BNC1: variants seen among roughly 807,000 people sequenced by gnomAD.
The protein encoded by BNC1 is zinc finger protein basonuclin-1.
BNC1 carries 8 observed loss-of-function variants against 66.5 expected under a neutral mutation model. The observed-to-expected ratio is 0.12, with a 90% CI of 0.07 to 0.22. The LOEUF is 0.22. Ranked by LOEUF, BNC1 falls within the 10% of genes least tolerant of loss-of-function variation. The pLI, the probability that BNC1 is intolerant of heterozygous loss-of-function variation, is 1.00. For synonymous variants in BNC1, 454 were observed against 452.6 expected, an observed-to-expected ratio of 1.00 and a Z score of -0.04; for missense variants, 1,069 against 1,241.3, an observed-to-expected ratio of 0.86 and a Z score of 2.09.
intron 1 of BNC1, among the ~76,000 whole-genome samples, chr15:83,274,586 T>A (rs2038301107): frequency 6.6e-6 from 1 of 152,202 alleles, no homozygotes; most frequent in South Asian, 2.1e-4. Context: ...CATCTGCTTT[T>A]TGACGTGGTT....
intron 2 of BNC1, 94 bp downstream of exon 2, chr15:83,268,039 T>C (rs768966124): frequency 4.0e-5 from 42 of 1,045,206 alleles, no homozygotes; most frequent in Admixed American, 6.1e-5. Flanking sequence ...TACTAGTTAG[T>C]TGTCATTCTT....
intron 1 of BNC1, among the ~76,000 whole-genome samples, chr15:83,273,977 G>T (rs2151438775): frequency 6.6e-6 from 1 of 152,322 alleles, no homozygotes; most frequent in African/African-American, 2.4e-5. Flanking sequence ...TTTCACTGAA[G>T]ATAAACCCAG....
chr15:83,263,593 A>G lies in BNC1; in HGVS notation c.1658T>C (p.Ile553Thr), dbSNP rs1417566195. The G allele has an allele frequency of 1.2e-6, 2 of 1,613,982 alleles. No individual in the cohort carries two copies. Among genetic ancestry groups the G allele is most frequent in the Admixed American group, 1.7e-5 (1 of 59,994 alleles). ...GAGGTTGTGTCTTTTCTCATTAGCT[A>G]TTTCCACAGCTTCTTTCTCTATTTT... ...PIKIEKEAVE[I>T]ANEKRHNLSS... The change falls in exon 4 of 5, where the codon ATA (isoleucine) becomes ACA (threonine). Residue 553 changes from isoleucine to threonine, a missense_variant. Physicochemically the swap from Ile to Thr is moderately conservative, Grantham distance 89. Around this residue, in one of 7 missense-constraint regions of BNC1, gnomAD observed 657 missense variants for 715.8 expected, o/e 0.92. Transcript: ENST00000345382.
chr15:83,275,499 A>AG (rs1210451831), intron 1 of BNC1, among the ~76,000 whole-genome samples: 2 of 151,950 alleles, frequency 1.3e-5, no homozygotes, highest in African/African-American at 4.8e-5. Context: ...CTCAAAAAAA[A>AG]AAAAAAAAAA....
At chr15:83,268,254 G>T in intron 1 of BNC1, 22 bp from the exon 2 acceptor site, 1 of 1,577,884 alleles carries the variant, frequency 6.3e-7, no homozygotes, top group Non-Finnish European at 8.7e-7. Flanking sequence ...GAGAAAACAG[G>T]TATGTGGAGC....
chr15:83,268,040 T>G, intron 2 of BNC1, 93 bp downstream of exon 2: 1 of 1,063,330 alleles, frequency 9.4e-7, no homozygotes. Context: ...ACTAGTTAGT[T>G]GTCATTCTTA....
intron 1 of BNC1, among the ~76,000 whole-genome samples, chr15:83,271,027 G>A (rs990204811): frequency 6.6e-6 from 1 of 152,088 alleles, no homozygotes; most frequent in African/African-American, 2.4e-5. Flanking sequence ...TGTAATCCTA[G>A]CATTCTGGGA....
intron 4 of BNC1, among the ~76,000 whole-genome samples, chr15:83,259,177 C>T (rs1005373270): frequency 1.3e-5 from 2 of 152,182 alleles, no homozygotes; most frequent in Admixed American, 6.5e-5. Context: ...CATATGTTAT[C>T]ATTTGGAATT....
chr15:83,278,491 TCAAAA>T (rs1351479723), intron 1 of BNC1, among the ~76,000 whole-genome samples: 2 of 152,120 alleles, frequency 1.3e-5, no homozygotes, highest in Non-Finnish European at 2.9e-5. Flanking sequence ...CAAAATATAC[TCAAAA>T]CAAACAAAAC....
intron 2 of BNC1, 91 bp from the exon 3 acceptor site, chr15:83,267,162 G>T: frequency 1.1e-6 from 1 of 938,402 alleles, no homozygotes. Flanking sequence ...CCAATTCTTG[G>T]TTATTTATTC....
chr15:83,283,779 G>A lies in BNC1; in HGVS notation c.99+751C>T, dbSNP rs182808881. Among the ~76,000 whole-genome samples the A allele has an allele frequency of 3.4e-3, 511 of 152,366 alleles. 2 individuals are homozygous for A. The highest frequency in any genetic ancestry group is 4.8e-3 in the Non-Finnish European group (324 of 68,032). ...CGCGACAAGGACTCCAGGGTCCGCAGTGAAGCTGGTCAAATCTGCCCCGCA... is the reference window on the plus strand; with the variant it reads ...CGCGACAAGGACTCCAGGGTCCGCAATGAAGCTGGTCAAATCTGCCCCGCA... On this transcript the variant is annotated intron_variant, in intron 1 of 4. Coordinates refer to ENST00000345382, the MANE Select transcript of BNC1 (RefSeq NM_001717.4).
At chr15:83,265,186 G>T (rs1175021681) in intron 3 of BNC1, among the ~76,000 whole-genome samples, 1 of 152,158 alleles carries the variant, frequency 6.6e-6, no homozygotes, top group East Asian at 1.9e-4. Flanking sequence ...TTGAACAATA[G>T]TAACTTCTTT....
chr15:83,279,439 C>T (rs2038357199), intron 1 of BNC1, among the ~76,000 whole-genome samples: 1 of 152,142 alleles, frequency 6.6e-6, no homozygotes, highest in Non-Finnish European at 1.5e-5. Flanking sequence ...ATGGAGAAGT[C>T]AAGGTTGTAC....
In BNC1 at chr15:83,263,132, C is replaced by T; in HGVS notation, c.2119G>A (p.Gly707Ser). The stretch of plus-strand genomic sequence containing the variant: ...ATCTGCCTTGCTAATGCATGCTGAC[C>T]CACGTGCTCCAGTTCTTTAGAATCT... Reference protein sequence around the residue: ...LEDSKELEHVGQHALARQIEE... With the variant: ...LEDSKELEHVSQHALARQIEE... The change falls in exon 4 of 5, where the codon GGT (glycine) becomes AGT (serine). Residue 707 changes from glycine to serine, a missense_variant. By Grantham distance (56) the Gly-to-Ser change is moderately conservative. Transcript: ENST00000345382. The T allele has an allele frequency of 6.2e-7, 1 of 1,614,134 alleles. No homozygotes were observed. The highest frequency in any genetic ancestry group is 8.5e-7 in the Non-Finnish European group (1 of 1,180,030).
chr15:83,259,122 C>T (rs539110988), intron 4 of BNC1, among the ~76,000 whole-genome samples: 3 of 152,260 alleles, frequency 2.0e-5, no homozygotes, highest in East Asian at 1.9e-4. Context: ...TGATTACTCT[C>T]GAAGGACAGA....
chr15:83,267,047 G>C lies in BNC1; in HGVS notation c.224C>G (p.Pro75Arg), dbSNP rs754645119. ...AHALSKLRIP[P>R]MYPTSQVEIV... ...CTCCACCTGGCTTGTTGGATACATG[G>C]GGGGGATCCTTAGCTTACTTAGAGC... The change falls in exon 3 of 5, where the codon CCC becomes CGC. Residue 75 changes from proline (P) to arginine (R), a missense_variant. By Grantham distance (103) the Pro-to-Arg change is moderately radical. Coordinates refer to ENST00000345382, the MANE Select transcript of BNC1 (RefSeq NM_001717.4). The C allele has an allele frequency of 3.1e-6, 5 of 1,613,782 alleles. No homozygotes were observed. In the Admixed American group the frequency reaches 8.3e-5, roughly 27 times the overall value.
chr15:83,259,607 G>A (rs528454670), intron 4 of BNC1, among the ~76,000 whole-genome samples: 1 of 152,068 alleles, frequency 6.6e-6, no homozygotes, highest in Non-Finnish European at 1.5e-5. Flanking sequence ...GGTATGTGCC[G>A]ACAGAAAACC....
rs2038187826 is a variant in BNC1, at chr15:83,264,248, T to A, written c.1003A>T (p.Thr335Ser). 14 of 1,614,068 alleles carry A rather than the reference T, an allele frequency of 8.7e-6. No homozygotes were observed. The highest frequency in any genetic ancestry group is 1.2e-5 in the Non-Finnish European group (14 of 1,180,038). The change falls in exon 4 of 5, where the codon ACA becomes TCA. Residue 335 changes from threonine (T) to serine (S), a missense_variant. Physicochemically the swap from Thr to Ser is moderately conservative, Grantham distance 58. Coordinates refer to ENST00000345382, the MANE Select transcript of BNC1 (RefSeq NM_001717.4). ...ACTTTGGCCTCAGGGGATAACTGTG[T>A]CCTTTCAAACTTAGTGACAATGTTG... is the stretch of plus-strand genomic sequence containing the variant. ...SYNIVTKFER[T>S]QLSPEAKVKP...
chr15:83,263,723 A>G lies in BNC1; in HGVS notation c.1528T>C (p.Ser510Pro), dbSNP rs375069087. ...EVANTPGILP[S>P]LPLLSSSIPE... ...ATTGAAGAGGACAACAGCGGGAGGG[A>G]AGGGAGTATCCCAGGCGTGTTTGCT... Residue 510 changes from serine (S) to proline (P), a missense_variant, in exon 4 of 5, where the codon TCC (serine) becomes CCC (proline). Ser to Pro is a moderately conservative substitution (Grantham distance 74). Coordinates refer to ENST00000345382, the MANE Select transcript of BNC1 (RefSeq NM_001717.4). 2 of 1,614,086 alleles carry G rather than the reference A, an allele frequency of 1.2e-6. No individual in the cohort carries two copies. Among genetic ancestry groups the G allele is most frequent in the Non-Finnish European group, 1.7e-6 (2 of 1,180,044 alleles).
Sources: allele counts gnomAD v4.1 joint callset (sites outside exome capture counted in the v4.1 genomes callset), GRCh38; gene constraint gnomAD v4.1.1; regional missense constraint gnomAD v4.1.1; transcripts MANE v1.5; gene names NCBI Gene and HGNC (gene_info 2026-07-23, HGNC 2026-07-21).